Variants in ZMYM2 observed in about 807,000 individuals in gnomAD.
The protein encoded by ZMYM2 is zinc finger MYM-type containing 2, also known as zinc finger MYM-type protein 2.
Under a neutral mutation model 162.8 loss-of-function variants are expected in ZMYM2, and 56 were observed. That is an observed-to-expected ratio of 0.34 (90% CI 0.28 to 0.43). ZMYM2 has a LOEUF of 0.43. Among genes scored for constraint, ZMYM2 ranks in the 20% least tolerant of loss-of-function variants. ZMYM2 has a pLI of 1.00. For synonymous variants in ZMYM2, 510 were observed against 541.6 expected, an observed-to-expected ratio of 0.94 and a Z score of 0.81; for missense variants, 1,275 against 1,621.8, an observed-to-expected ratio of 0.79 and a Z score of 3.67.
intron 2 of ZMYM2, among the ~76,000 whole-genome samples, chr13:19,984,964 C>CA (rs769788354): frequency 1.8e-4 from 28 of 152,024 alleles, no homozygotes; most frequent in Non-Finnish European, 3.5e-4. Context: ...TTAAGTATGC[C>CA]AAAACAAAGG....
At chr13:20,031,073 T>C (rs1283348867) in intron 9 of ZMYM2, among the ~76,000 whole-genome samples, 1 of 152,170 alleles carries the variant, frequency 6.6e-6, no homozygotes, top group African/African-American at 2.4e-5. Flanking sequence ...TGATTGAATG[T>C]ATGATTTTTT....
the ZMYM2 span, among the ~76,000 whole-genome samples, chr13:19,903,188 C>T: frequency 6.6e-6 from 1 of 151,940 alleles, no homozygotes; most frequent in African/African-American, 2.4e-5. Context: ...AATAAATTAG[C>T]TGGGCATGGT....
chr13:20,014,009 A>C (rs1260855181), intron 6 of ZMYM2, among the ~76,000 whole-genome samples: 4 of 151,998 alleles, frequency 2.6e-5, no homozygotes, highest in Non-Finnish European at 5.9e-5. Context: ...TTAATTCTTT[A>C]AATGTTTGGT....
intron 17 of ZMYM2, among the ~76,000 whole-genome samples, chr13:20,062,044 A>G (rs1261261032): frequency 6.6e-6 from 1 of 152,158 alleles, no homozygotes; most frequent in Non-Finnish European, 1.5e-5. Context: ...TTCCACCCTT[A>G]ACCCTCTCTT....
the ZMYM2 span, among the ~76,000 whole-genome samples, chr13:19,890,103 T>G: frequency 6.6e-6 from 1 of 151,944 alleles, no homozygotes; most frequent in African/African-American, 2.4e-5. Context: ...TTTTTGAGAC[T>G]CCATCTTATA....
At chr13:19,948,694 T>C in the ZMYM2 span, among the ~76,000 whole-genome samples, 1 of 152,168 alleles carries the variant, frequency 6.6e-6, no homozygotes, top group African/African-American at 2.4e-5. Context: ...TGAGTAATAA[T>C]AATGTGTTCA....
chr13:19,899,816 C>CAAAAAAAAAAAA, the ZMYM2 span, among the ~76,000 whole-genome samples: 6 of 64,988 alleles, frequency 9.2e-5, no homozygotes, highest in Non-Finnish European at 8.0e-5. Context: ...GACTCTGACT[C>CAAAAAAAAAAAA]AAAAAAAAAA....
At chr13:20,027,550 G>T (rs1952695464) in intron 9 of ZMYM2, among the ~76,000 whole-genome samples, 1 of 152,094 alleles carries the variant, frequency 6.6e-6, no homozygotes, top group Non-Finnish European at 1.5e-5. Context: ...TGAAGGAAAA[G>T]AAATTTTAAT....
intron 2 of ZMYM2, among the ~76,000 whole-genome samples, chr13:19,960,981 A>G (rs1955144954): frequency 6.6e-6 from 1 of 152,222 alleles, no homozygotes; most frequent in Non-Finnish European, 1.5e-5. Flanking sequence ...ATGATGTGAG[A>G]ATAGTAACTT....
the ZMYM2 span, among the ~76,000 whole-genome samples, chr13:19,915,432 T>G: frequency 6.6e-6 from 1 of 151,918 alleles, no homozygotes; most frequent in Non-Finnish European, 1.5e-5. Context: ...TCTTTCTTTC[T>G]TTCTTTCTTC....
chr13:19,870,815 C>T, the ZMYM2 span, among the ~76,000 whole-genome samples: 1 of 151,472 alleles, frequency 6.6e-6, no homozygotes, highest in Admixed American at 6.6e-5. Context: ...TTAGTAGAGA[C>T]GGGGTTTCAC....
the ZMYM2 span, among the ~76,000 whole-genome samples, chr13:19,948,206 A>G: frequency 6.6e-6 from 1 of 152,200 alleles, no homozygotes; most frequent in Admixed American, 6.5e-5. Context: ...TACAAAACTA[A>G]ACATACTCCT....
rs1320884108 is a variant in ZMYM2, at chr13:19,971,244, G to A, written c.-11+11218G>A. 8.0e-5 allele frequency among the ~76,000 whole-genome samples: 4 copies of A among 50,138 alleles called. 1 individual carries two copies. The East Asian group carries it at 8.5e-3, about 106-fold the overall frequency. 32.9% of individuals were successfully genotyped at this position (50,138 alleles called of 152,430 possible). ...TTTATATATATGTGTGTGTGTGTGT[G>A]TATATATATATATATATATTTTTTT... On this transcript the variant is annotated intron_variant, in intron 2 of 24. Coordinates refer to ENST00000610343, the MANE Select transcript of ZMYM2 (RefSeq NM_197968.4).
chr13:20,088,623 CT>C lies in ZMYM2; in HGVS notation c.*2618del, dbSNP rs1170725232. The C allele has an allele frequency of 1.4e-4, 27 of 193,004 alleles. No homozygotes were observed. Among genetic ancestry groups the C allele is most frequent in the Non-Finnish European group, 2.2e-4 (20 of 92,670 alleles). The allele number at this position is 193,004 out of a possible 1,614,324, so 12.0% of individuals were successfully genotyped here. A position where few individuals can be genotyped will look rare whatever the true frequency, so the allele number is the denominator to read the frequency against. On this transcript the variant is annotated 3_prime_UTR_variant, in exon 25 of 25. Coordinates refer to ENST00000610343, the MANE Select transcript of ZMYM2 (RefSeq NM_197968.4). ...GGATTTTTCTAGGCAAGAAGCTCAACTTTTTTTTTCCATAAAAATAATTTTT... is the reference window on the plus strand; with the variant it reads ...GGATTTTTCTAGGCAAGAAGCTCAACTTTTTTTTCCATAAAAATAATTTTT...
chr13:19,865,371 A>G, the ZMYM2 span, among the ~76,000 whole-genome samples: 1 of 152,268 alleles, frequency 6.6e-6, no homozygotes, highest in African/African-American at 2.4e-5. Flanking sequence ...GATCTAAGAC[A>G]AAAGCATGTT....
chr13:20,075,207 T>C (rs1307971428), intron 21 of ZMYM2, among the ~76,000 whole-genome samples: 1 of 152,228 alleles, frequency 6.6e-6, no homozygotes, highest in African/African-American at 2.4e-5. Context: ...TTCATTAGTT[T>C]TGCTCACAGC....
the ZMYM2 span, among the ~76,000 whole-genome samples, chr13:19,949,507 C>T: frequency 2.6e-5 from 4 of 152,058 alleles, no homozygotes; most frequent in Admixed American, 6.6e-5. Flanking sequence ...ATAGGAGAAT[C>T]GCTTCAGCCC....
chr13:20,079,316 C>CAAAAAAAAAAA lies in ZMYM2; in HGVS notation c.3454-2683_3454-2673dup, dbSNP rs1158594782. ...CTGGCAACAGAGTAAGACTCTGTCT[C>CAAAAAAAAAAA]AAAAAAAAAAAAAAAAAAAAAAAAA... On this transcript the variant is annotated intron_variant, in intron 21 of 24. Coordinates refer to ENST00000610343, the MANE Select transcript of ZMYM2 (RefSeq NM_197968.4). 3.5e-4 allele frequency among the ~76,000 whole-genome samples: 8 copies of CAAAAAAAAAAA among 23,162 alleles called. 1 individual carries two copies. Among genetic ancestry groups the CAAAAAAAAAAA allele is most frequent in the African/African-American group, 1.3e-3 (6 of 4,536 alleles). The allele number at this position is 23,162 out of a possible 152,430, so 15.2% of individuals were successfully genotyped here.
At chr13:20,042,712 T>TCTA (rs1267356979) in intron 12 of ZMYM2, among the ~76,000 whole-genome samples, 34 of 148,996 alleles carry the variant, frequency 2.3e-4, no homozygotes, top group African/African-American at 7.4e-4. Context: ...ACCTTTGCTT[T>TCTA]TTATTATTAT....
Sources: gnomAD v4.1 joint callset for allele counts (sites outside exome capture counted in the v4.1 genomes callset) on GRCh38, gnomAD v4.1.1 for gene constraint, MANE v1.5 for transcripts, NCBI Gene and HGNC (gene_info 2026-07-23, HGNC 2026-07-21) for gene names.